Variants in MAJIN observed in about 807,000 individuals in gnomAD.
The protein encoded by MAJIN is membrane-anchored junction protein.
MAJIN carries 27 observed loss-of-function variants against 30.2 expected under a neutral mutation model. That is an observed-to-expected ratio of 0.89 (90% CI 0.66 to 1.23). The LOEUF (loss-of-function observed/expected upper bound fraction) is 1.23, where lower values mean the gene tolerates loss of function less well. Among genes scored for constraint, MAJIN ranks in the 50% most tolerant of loss-of-function variants. The probability of loss-of-function intolerance (pLI) is 0.00; values close to 1 mark genes in which losing one functional copy is unlikely to be tolerated. For synonymous variants in MAJIN, 78 were observed against 91.6 expected (o/e 0.85, Z 0.85); for missense variants, 253 against 260.3 (o/e 0.97, Z 0.19).
intron 2 of MAJIN, among the ~76,000 whole-genome samples, chr11:64,959,662 T>C (rs1945693084): frequency 6.6e-6 from 1 of 152,210 alleles, no homozygotes. Context: ...TGATCATTTA[T>C]GACCTTATGC....
chr11:64,954,511 A>G, intron 4 of MAJIN: 1 of 595,152 alleles, frequency 1.7e-6, no homozygotes, highest in Non-Finnish European at 3.1e-6. Flanking sequence ...AAGGCTGGAA[A>G]CTGGTGAAAA....
At chr11:64,946,830 C>A (rs1182545991) in intron 8 of MAJIN, among the ~76,000 whole-genome samples, 2 of 152,110 alleles carry the variant, frequency 1.3e-5, no homozygotes, top group Non-Finnish European at 2.9e-5. Flanking sequence ...TAAGTAGCCT[C>A]CACAATAAAA....
intron 1 of MAJIN, among the ~76,000 whole-genome samples, chr11:64,971,427 C>CAAAA (rs35873962): frequency 1.5e-5 from 1 of 68,800 alleles, no homozygotes. Flanking sequence ...GACCCCGCCT[C>CAAAA]AAAAAAAAAA....
At chr11:64,958,598 GAAAAAAAAA>G (rs202169389) in intron 3 of MAJIN, among the ~76,000 whole-genome samples, 9 of 102,554 alleles carry the variant, frequency 8.8e-5, no homozygotes, top group Admixed American at 2.4e-4. Flanking sequence ...TGTCTTGGGA[GAAAAAAAAA>G]AAAAAAAAAA....
intron 4 of MAJIN, among the ~76,000 whole-genome samples, chr11:64,953,115 A>G (rs1364626639): frequency 6.6e-6 from 1 of 152,226 alleles, no homozygotes; most frequent in Non-Finnish European, 1.5e-5. Flanking sequence ...GAAATATGAC[A>G]TACGTTGAAT....
chr11:64,969,085 A>G lies in MAJIN; in HGVS notation c.-65+2792T>C, dbSNP rs75751698. Among the ~76,000 whole-genome samples, 35 of 152,226 alleles carry G rather than the reference A, an allele frequency of 2.3e-4. 1 individual carries two copies. The East Asian group carries it at 6.0e-3, about 26-fold the overall frequency. ...TGTGGGAATCAAGGATGGCTCTCAG[A>G]TTTTTTTGCCTTTGCAATTAGGTAG... On this transcript the variant is annotated intron_variant, in intron 1 of 10. Transcript: ENST00000301896.
At chr11:64,945,219 G>A (rs939141780) in intron 8 of MAJIN, among the ~76,000 whole-genome samples, 3 of 151,998 alleles carry the variant, frequency 2.0e-5, no homozygotes, top group Non-Finnish European at 4.4e-5. Context: ...TTAGCCAGGC[G>A]TGGTAGCACA....
chr11:64,960,416 T>C (rs1945704480), intron 1 of MAJIN, among the ~76,000 whole-genome samples: 1 of 152,158 alleles, frequency 6.6e-6, no homozygotes, highest in South Asian at 2.1e-4. Flanking sequence ...CTATTCTAAG[T>C]TTAATCTCAC....
chr11:64,940,801 T>C (rs1355920980), intron 8 of MAJIN, among the ~76,000 whole-genome samples, 155 bp from the exon 9 acceptor site: 22 of 151,134 alleles, frequency 1.5e-4, no homozygotes, highest in Admixed American at 1.5e-3. Flanking sequence ...TTTCTTTCCA[T>C]AGGACTGTCC....
At chr11:64,965,340 C>T (rs916005734) in intron 1 of MAJIN, among the ~76,000 whole-genome samples, 9 of 152,138 alleles carry the variant, frequency 5.9e-5, no homozygotes, top group African/African-American at 1.7e-4. Flanking sequence ...CTAAACCTAA[C>T]AGAGAATTAG....
At position 64,954,531 on chromosome 11, in the gene MAJIN, C is replaced by G. The variant is rs756258191; in HGVS notation, c.147+226G>C. On this transcript the variant is annotated intron_variant, in intron 4 of 10. Transcript: ENST00000301896. Reference sequence around the variant, plus strand: ...TGGAAACTGGTGAAAACAAAAAGCTCTCAGCCTCAAAGGTGCTGACATTTC... The same window carrying G: ...TGGAAACTGGTGAAAACAAAAAGCTGTCAGCCTCAAAGGTGCTGACATTTC... The G allele has an allele frequency of 7.8e-6, 5 of 642,566 alleles. No individual in the cohort carries two copies. In the South Asian group the frequency reaches 8.0e-5, roughly 10 times the overall value. The allele number at this position is 642,566 out of a possible 1,614,324, so 39.8% of individuals were successfully genotyped here.
chr11:64,967,433 AAAAAG>A (rs1248846307), intron 1 of MAJIN, among the ~76,000 whole-genome samples: 2 of 152,120 alleles, frequency 1.3e-5, no homozygotes, highest in African/African-American at 4.8e-5. Flanking sequence ...AAAGAAAAAG[AAAAAG>A]AAAAGAAAAG....
chr11:64,971,332 C>G (rs1011265094), intron 1 of MAJIN, among the ~76,000 whole-genome samples: 3 of 149,582 alleles, frequency 2.0e-5, no homozygotes, highest in Non-Finnish European at 2.9e-5. Flanking sequence ...GAGGCTGAGG[C>G]AGGAGAATCG....
At chr11:64,962,854 TGG>T in intron 1 of MAJIN, among the ~76,000 whole-genome samples, 1 of 152,208 alleles carries the variant, frequency 6.6e-6, no homozygotes, top group Middle Eastern at 3.4e-3. Flanking sequence ...AGGCCAGGCA[TGG>T]TAGCTCACGC....
intron 1 of MAJIN, among the ~76,000 whole-genome samples, chr11:64,970,988 A>C (rs1326872297): frequency 1.3e-5 from 2 of 152,174 alleles, no homozygotes; most frequent in Non-Finnish European, 2.9e-5. Context: ...TCCTGGGGAA[A>C]GTCTGTGGTA....
intron 4 of MAJIN, among the ~76,000 whole-genome samples, chr11:64,951,797 CTT>C (rs984711285): frequency 7.0e-6 from 1 of 143,434 alleles, no homozygotes; most frequent in Non-Finnish European, 1.5e-5. Flanking sequence ...GATATTGTGT[CTT>C]GTTTATCTTT....
intron 5 of MAJIN, 27 bp downstream of exon 5, chr11:64,950,328 T>TGA: frequency 4.6e-6 from 2 of 430,170 alleles, no homozygotes; most frequent in African/African-American, 7.0e-5. Flanking sequence ...AGACTCCATC[T>TGA]CAAAAAAAAA....
At chr11:64,946,003 A>T in intron 8 of MAJIN, 1 of 1,302,624 alleles carries the variant, frequency 7.7e-7, no homozygotes, top group Middle Eastern at 2.5e-4. Flanking sequence ...TGTGCTGGTA[A>T]CCGGAATCCT....
chr11:64,940,526 A>T (rs1387268066), intron 9 of MAJIN, 48 bp downstream of exon 9: 2 of 1,564,508 alleles, frequency 1.3e-6, no homozygotes, highest in African/African-American at 1.4e-5. Context: ...ACTACAAGGG[A>T]AAGGGTGATT....
Sources: gnomAD v4.1 joint callset for allele counts (sites outside exome capture counted in the v4.1 genomes callset) on GRCh38, gnomAD v4.1.1 for gene constraint, MANE v1.5 for transcripts, NCBI Gene and HGNC (gene_info 2026-07-23, HGNC 2026-07-21) for gene names.